Variants in CAST observed in about 807,000 individuals in gnomAD.
CAST encodes the protein MIR583 host.
CAST carries 76 observed loss-of-function variants against 119.6 expected under a neutral mutation model. The ratio of observed to expected loss-of-function variants is 0.64; its 90% CI spans 0.53 to 0.77. The LOEUF is 0.77. CAST is among the 30% of genes least tolerant of loss of function. The pLI is 0.00. For missense variants in CAST, 953 were observed against 946.5 expected (o/e 1.01, Z -0.09); for synonymous variants, 319 against 331.6 (o/e 0.96, Z 0.41).
the CAST span, among the ~76,000 whole-genome samples, chr5:96,171,027 A>T: frequency 1.3e-5 from 2 of 152,034 alleles, no homozygotes; most frequent in Non-Finnish European, 2.9e-5. Flanking sequence ...AGACTCCGCG[A>T]CGCTTGGGGT....
At chr5:96,302,075 G>A in the CAST span, among the ~76,000 whole-genome samples, 11 of 152,280 alleles carry the variant, frequency 7.2e-5, no homozygotes, top group Admixed American at 3.3e-4. Flanking sequence ...TGAAATCTAG[G>A]TGGAGGATCC....
chr5:96,575,290 A>G (rs1369755392), intron 1 of CAST, among the ~76,000 whole-genome samples: 1 of 152,164 alleles, frequency 6.6e-6, no homozygotes, highest in Non-Finnish European at 1.5e-5. Flanking sequence ...CATTAATTCT[A>G]GAAGTACTTT....
chr5:96,136,313 G>C, the CAST span, among the ~76,000 whole-genome samples: 1 of 152,020 alleles, frequency 6.6e-6, no homozygotes, highest in African/African-American at 2.4e-5. Context: ...GTTCGCTCCT[G>C]TCTCCTGTGC....
chr5:96,375,194 G>A, the CAST span, among the ~76,000 whole-genome samples: 1 of 152,168 alleles, frequency 6.6e-6, no homozygotes, highest in African/African-American at 2.4e-5. Context: ...AATATTGGAT[G>A]TGAACACAGA....
intron 1 of CAST, among the ~76,000 whole-genome samples, chr5:96,638,732 A>G (rs1244409046): frequency 1.3e-5 from 2 of 152,218 alleles, no homozygotes; most frequent in African/African-American, 4.8e-5. Flanking sequence ...GTTGTCAACA[A>G]TAAGGAAACT....
the CAST span, among the ~76,000 whole-genome samples, chr5:96,345,883 T>C: frequency 2.6e-5 from 4 of 152,304 alleles, no homozygotes; most frequent in East Asian, 7.7e-4. Flanking sequence ...GAGAGAAAGA[T>C]GAAAGTCAGG....
At chr5:96,366,708 TTA>T in the CAST span, among the ~76,000 whole-genome samples, 1 of 152,240 alleles carries the variant, frequency 6.6e-6, no homozygotes, top group African/African-American at 2.4e-5. Context: ...TCTACACTGA[TTA>T]TTCTAGTTAG....
chr5:96,641,987 C>T (rs561672576), intron 1 of CAST, among the ~76,000 whole-genome samples: 1 of 152,344 alleles, frequency 6.6e-6, no homozygotes, highest in South Asian at 2.1e-4. Flanking sequence ...ACTGAAGTCT[C>T]TTTACTGCAA....
chr5:96,122,755 A>G, the CAST span, among the ~76,000 whole-genome samples: 1 of 152,012 alleles, frequency 6.6e-6, no homozygotes, highest in Admixed American at 6.5e-5. Flanking sequence ...TCAAGCTGAT[A>G]TATTTATAGA....
the CAST span, among the ~76,000 whole-genome samples, chr5:96,333,494 T>A: frequency 1.3e-5 from 2 of 151,954 alleles, no homozygotes; most frequent in Admixed American, 6.5e-5. Flanking sequence ...CCTTCTCACC[T>A]TTTTTTTCTT....
chr5:96,317,509 G>T, the CAST span, among the ~76,000 whole-genome samples: 1 of 147,170 alleles, frequency 6.8e-6, no homozygotes, highest in African/African-American at 2.5e-5. Flanking sequence ...AAAGAATGGT[G>T]TCATCCTATT....
chr5:95,999,552 T>C, the CAST span, among the ~76,000 whole-genome samples: 26 of 152,180 alleles, frequency 1.7e-4, no homozygotes, highest in South Asian at 5.4e-3. Context: ...CTGTGTTTCC[T>C]AGGCTGGTCT....
At chr5:96,345,588 T>G in the CAST span, among the ~76,000 whole-genome samples, 1 of 152,202 alleles carries the variant, frequency 6.6e-6, no homozygotes, top group Non-Finnish European at 1.5e-5. Flanking sequence ...CTTTTTTGGG[T>G]GTACAGTTCC....
intron 12 of CAST, among the ~76,000 whole-genome samples, chr5:96,740,394 G>A (rs966353899): frequency 1.3e-5 from 2 of 152,116 alleles, no homozygotes; most frequent in Admixed American, 1.3e-4. Flanking sequence ...GGCTGTGAGG[G>A]AAAGGTATCT....
At chr5:96,062,126 G>A in the CAST span, among the ~76,000 whole-genome samples, 1 of 152,124 alleles carries the variant, frequency 6.6e-6, no homozygotes, top group Non-Finnish European at 1.5e-5. Context: ...GCAGCTTAGA[G>A]AGTGTTTGAT....
At chr5:96,642,152 T>C (rs1394268869) in intron 1 of CAST, among the ~76,000 whole-genome samples, 1 of 152,242 alleles carries the variant, frequency 6.6e-6, no homozygotes, top group Non-Finnish European at 1.5e-5. Flanking sequence ...TGATTTCTCT[T>C]TGTTTCCTTA....
the CAST span, among the ~76,000 whole-genome samples, chr5:96,226,452 A>T: frequency 9.2e-5 from 14 of 152,060 alleles, no homozygotes; most frequent in African/African-American, 3.4e-4. Flanking sequence ...GGAGTTCGAG[A>T]CCGGCCTGGG....
chr5:96,659,631 C>T (rs772832611), upstream of CAST, among the ~76,000 whole-genome samples: 6 of 152,084 alleles, frequency 3.9e-5, no homozygotes, highest in Admixed American at 2.0e-4. Flanking sequence ...CTTGTTCAGG[C>T]GATTCTTGTG....
chr5:96,325,430 CTTTTCTTTCTTCCT>C, the CAST span, among the ~76,000 whole-genome samples: 2 of 146,634 alleles, frequency 1.4e-5, no homozygotes, highest in African/African-American at 5.0e-5. Flanking sequence ...TTCCTTCTTT[CTTTTCTTTCTTCCT>C]TTTTCTTTCT....
Sources: allele counts gnomAD v4.1 joint callset (sites outside exome capture counted in the v4.1 genomes callset), GRCh38; gene constraint gnomAD v4.1.1; transcripts MANE v1.5; gene names NCBI Gene and HGNC (gene_info 2026-07-23, HGNC 2026-07-21).